The following PCDHA1 variants were observed in gnomAD, a reference collection of about 807,000 sequenced individuals.
PCDHA1 encodes protocadherin alpha 1, also known as protocadherin alpha-1.
A neutral mutation model predicts 61.3 loss-of-function variants in PCDHA1; 42 were observed. The observed-to-expected ratio is 0.69, with a 90% CI of 0.54 to 0.89. The LOEUF (loss-of-function observed/expected upper bound fraction) is 0.89. Among genes scored for constraint, PCDHA1 ranks in the 40% least tolerant of loss-of-function variants. The pLI is 0.00. For missense variants in PCDHA1, 1,256 were observed against 1,235.3 expected, an observed-to-expected ratio of 1.02 and a Z score of -0.25; for synonymous variants, 610 against 553.8, an observed-to-expected ratio of 1.10 and a Z score of -1.43.
rs200097598 is a variant in PCDHA1 at position 140,842,988 on chromosome 5, T to C, written c.2394+54304T>C. On this transcript the variant is annotated intron_variant, in intron 1 of 3. Coordinates refer to ENST00000504120, the MANE Select transcript of PCDHA1 (RefSeq NM_018900.4). ...AACGTGACGCTGCAGGTGTTCGTGC[T>C]GGACGAGAATGACAACGCGCCGGCA... 2.2e-4 allele frequency: 358 copies of C among 1,595,006 alleles called. 36 individuals are homozygous for C. Among genetic ancestry groups the C allele is most frequent in the Non-Finnish European group, 2.9e-4 (341 of 1,165,496 alleles).
chr5:140,836,653 G>T lies in PCDHA1; in HGVS notation c.2394+47969G>T, dbSNP rs2150266924. ...TCATTCTCCCAGCAGAGGCGGCAGA[G>T]GGTGTGCTCTGGGGAGGGCCCACCC... On this transcript the variant is annotated intron_variant, in intron 1 of 3. Transcript: ENST00000504120. The T allele has an allele frequency of 1.9e-5, 30 of 1,613,390 alleles. 1 individual carries two copies. Among genetic ancestry groups the T allele is most frequent in the African/African-American group, 4.0e-5 (3 of 74,806 alleles).
At chr5:140,928,252 G>T in intron 1 of PCDHA1, 1 of 1,614,208 alleles carries the variant, frequency 6.2e-7, no homozygotes, top group Non-Finnish European at 8.5e-7. Flanking sequence ...GGAACTTTTC[G>T]TTGCTGAAAA....
chr5:140,928,399 T>C (rs1554205848), intron 1 of PCDHA1: 1 of 1,613,926 alleles, frequency 6.2e-7, no homozygotes, highest in African/African-American at 1.3e-5. Flanking sequence ...AGTGGAATCA[T>C]CCAGTGGGGC....
intron 1 of PCDHA1, chr5:140,829,570 G>A (rs2150170338): frequency 1.2e-6 from 2 of 1,612,580 alleles, no homozygotes; most frequent in East Asian, 2.2e-5. Context: ...TGTCCTACTC[G>A]CTGGTGGAGC....
intron 1 of PCDHA1, chr5:140,927,062 T>C: frequency 6.2e-7 from 1 of 1,611,326 alleles, no homozygotes; most frequent in Non-Finnish European, 8.5e-7. Flanking sequence ...AACTTTCGCT[T>C]CCTTTCCAGC....
chr5:140,875,349 C>T lies in PCDHA1; in HGVS notation c.2394+86665C>T, dbSNP rs113418307. The T allele has an allele frequency of 9.7e-4, 1,402 of 1,444,894 alleles. 9 individuals carry two copies. In the African/African-American group the frequency reaches 0.018, roughly 18 times the overall value. 89.5% of individuals were successfully genotyped at this position (1,444,894 alleles called of 1,614,324 possible). A position where few individuals can be genotyped will look rare whatever the true frequency, so the allele number is the denominator to read the frequency against. ...CGGAATAGGATCGACTCCATAATGA[C>T]TGTGATGCTGGAAAAAATTTACTAA... On this transcript the variant is annotated intron_variant, in intron 1 of 3. Coordinates refer to ENST00000504120, the MANE Select transcript of PCDHA1 (RefSeq NM_018900.4).
intron 1 of PCDHA1, chr5:140,862,842 G>A (rs1554157108): frequency 1.7e-6 from 1 of 572,982 alleles, no homozygotes. Flanking sequence ...CGGGCATGCC[G>A]CCTCTGAGCA....
chr5:140,808,562 G>C, intron 1 of PCDHA1: 2 of 1,614,108 alleles, frequency 1.2e-6, no homozygotes, highest in South Asian at 2.2e-5. Flanking sequence ...CGCGCAGCCC[G>C]AGTACACAGT....
rs2150360711 is a variant in PCDHA1, at chr5:140,843,464, C to A, written c.2394+54780C>A. ...GGTATCCAGCCTGCTGGTGCTCACG[C>A]TGCTGCTGTACACTGCGCTGCGGTG... On this transcript the variant is annotated intron_variant, in intron 1 of 3. Transcript: ENST00000504120. The A allele has an allele frequency of 1.4e-5, 22 of 1,595,942 alleles. 2 individuals are homozygous for A. In the African/African-American group the frequency reaches 3.0e-4, roughly 21 times the overall value.
chr5:140,920,858 A>AG (rs2079893810), intron 1 of PCDHA1, among the ~76,000 whole-genome samples: 1 of 151,604 alleles, frequency 6.6e-6, no homozygotes, highest in African/African-American at 2.4e-5. Context: ...AAAAAAAAAA[A>AG]CAAACAAACT....
intron 1 of PCDHA1, among the ~76,000 whole-genome samples, chr5:140,898,226 G>T (rs2066602879): frequency 6.6e-6 from 1 of 152,262 alleles, no homozygotes; most frequent in African/African-American, 2.4e-5. Flanking sequence ...GGCTTTTGTT[G>T]CCATTGCTTT....
rs2150243130 is a variant in PCDHA1 at position 140,835,724 on chromosome 5, C to G, written c.2394+47040C>G. The stretch of plus-strand genomic sequence containing the variant: ...CTAGCGTGTCCGTGGAGGTGGCCGA[C>G]GTGAACGACAACGCCCCGGCGTTCG... On this transcript the variant is annotated intron_variant, in intron 1 of 3. Coordinates refer to ENST00000504120, the MANE Select transcript of PCDHA1 (RefSeq NM_018900.4). 7 of 1,613,752 alleles carry G rather than the reference C, an allele frequency of 4.3e-6. No homozygotes were observed. The highest frequency in any genetic ancestry group is 2.2e-5 in the South Asian group (2 of 91,080).
At chr5:140,876,773 C>A (rs782103064) in intron 1 of PCDHA1, 2 of 1,614,226 alleles carry the variant, frequency 1.2e-6, no homozygotes, top group South Asian at 2.2e-5. Context: ...GGCTCGCCTT[C>A]GCTGTGGGCC....
chr5:140,869,296 C>A, intron 1 of PCDHA1: 1 of 1,613,602 alleles, frequency 6.2e-7, no homozygotes, highest in Non-Finnish European at 8.5e-7. Flanking sequence ...GCGCCTGTTC[C>A]GGGTGGCGTC....
chr5:140,928,033 A>G, intron 1 of PCDHA1: 1 of 1,614,198 alleles, frequency 6.2e-7, no homozygotes, highest in Non-Finnish European at 8.5e-7. Context: ...TGGCATGTCT[A>G]GTGCAGGCCC....
chr5:140,788,576 G>C lies in PCDHA1; in HGVS notation c.2286G>C (p.Glu762Asp), dbSNP rs144043934. The part of the protein sequence containing the change: ...QQRRQRVCSS[E>D]GPPKTDLMAF... Reference sequence around the variant, plus strand: ...GGCGGCAGAGGGTGTGCTCTAGCGAGGGCCCACCCAAGACCGACCTCATGG... The same window carrying C: ...GGCGGCAGAGGGTGTGCTCTAGCGACGGCCCACCCAAGACCGACCTCATGG... Residue 762 changes from glutamate to aspartate, a missense_variant, in exon 1 of 4, where the codon GAG becomes GAC. Transcript: ENST00000504120. 1.2e-6 allele frequency: 2 copies of C among 1,614,176 alleles called. No individual in the cohort carries two copies. The highest frequency in any genetic ancestry group is 1.7e-6 in the Non-Finnish European group (2 of 1,180,026).
chr5:140,953,858 T>C (rs568873240), intron 1 of PCDHA1, among the ~76,000 whole-genome samples: 10 of 152,328 alleles, frequency 6.6e-5, no homozygotes, highest in African/African-American at 1.9e-4. Flanking sequence ...TGTGCCATGG[T>C]GGTTTGCTGC....
At chr5:140,982,679 C>A in intron 3 of PCDHA1, 116 bp downstream of exon 3, 2 of 1,436,546 alleles carry the variant, frequency 1.4e-6, no homozygotes, top group Non-Finnish European at 9.2e-7. Flanking sequence ...TTGTTATTCC[C>A]TTTTTTCCAT....
intron 1 of PCDHA1, among the ~76,000 whole-genome samples, chr5:140,921,032 T>A (rs6887800): frequency 0.023 from 3,565 of 152,036 alleles, 50 homozygotes; most frequent in Middle Eastern, 0.034. Context: ...TAGACTGGGG[T>A]GCAGTGGGGC....
Sources: gnomAD v4.1 joint callset for allele counts (sites outside exome capture counted in the v4.1 genomes callset) on GRCh38, gnomAD v4.1.1 for gene constraint, MANE v1.5 for transcripts, NCBI Gene and HGNC (gene_info 2026-07-23, HGNC 2026-07-21) for gene names.